The following DLGAP2 variants were observed in gnomAD, a reference collection of about 807,000 sequenced individuals.
The protein encoded by DLGAP2 is disks large-associated protein 2.
DLGAP2 carries 26 observed loss-of-function variants against 100.3 expected under a neutral mutation model. The observed-to-expected ratio is 0.26, with a 90% CI of 0.19 to 0.36. The LOEUF is 0.36. Ranked by LOEUF, DLGAP2 falls within the 10% of genes least tolerant of loss-of-function variation. The pLI, the probability that DLGAP2 is intolerant of heterozygous loss-of-function variation, is 1.00. For missense variants in DLGAP2, 1,858 were observed against 1,453.2 expected (o/e 1.28, Z -4.53); for synonymous variants, 886 against 630.1 (o/e 1.41, Z -6.08).
intron 6 of DLGAP2, among the ~76,000 whole-genome samples, chr8:1,584,391 A>T (rs534294406): frequency 6.6e-6 from 1 of 152,314 alleles, no homozygotes; most frequent in South Asian, 2.1e-4. Flanking sequence ...CTCCTCGTGC[A>T]TGCCACACAC....
intron 1 of DLGAP2, among the ~76,000 whole-genome samples, chr8:875,799 T>C (rs1271994106): frequency 1.3e-5 from 2 of 152,196 alleles, no homozygotes. Context: ...TTTTGAGTCA[T>C]TTATTTCGTG....
chr8:1,222,495 T>C (rs1425236873), intron 2 of DLGAP2, among the ~76,000 whole-genome samples: 1 of 152,076 alleles, frequency 6.6e-6, no homozygotes, highest in Non-Finnish European at 1.5e-5. Flanking sequence ...GTAACGACAC[T>C]CCAGTGGGGG....
intron 2 of DLGAP2, among the ~76,000 whole-genome samples, chr8:1,042,550 GCAC>G (rs899295661): frequency 6.6e-6 from 1 of 152,192 alleles, no homozygotes; most frequent in Non-Finnish European, 1.5e-5. Flanking sequence ...GCCCAGGAAA[GCAC>G]CGCCGGTATT....
chr8:1,633,130 G>T lies in DLGAP2; in HGVS notation c.1810+84G>T. On this transcript the variant is annotated intron_variant, in intron 8 of 14. Coordinates refer to ENST00000637795, the MANE Select transcript of DLGAP2 (RefSeq NM_001346810.2). Reference sequence around the variant, plus strand: ...TCCTAGAAGGAGCGAGCAGCACACAGCACCACAGTACAATGTACTCTCCTG... The same window carrying T: ...TCCTAGAAGGAGCGAGCAGCACACATCACCACAGTACAATGTACTCTCCTG... 2.3e-6 allele frequency: 3 copies of T among 1,332,854 alleles called. No homozygotes were observed. In the East Asian group the frequency reaches 7.0e-5, roughly 31 times the overall value. 82.6% of individuals were successfully genotyped at this position (1,332,854 alleles called of 1,614,324 possible). A position where few individuals can be genotyped will look rare whatever the true frequency, so the allele number is the denominator to read the frequency against.
intron 2 of DLGAP2, among the ~76,000 whole-genome samples, chr8:1,123,394 C>A (rs1303982244): frequency 6.6e-6 from 1 of 152,216 alleles, no homozygotes; most frequent in South Asian, 2.1e-4. Flanking sequence ...ACAGCCTCCA[C>A]CCGGTCAGAA....
At chr8:856,355 A>T (rs1797278161) in intron 1 of DLGAP2, among the ~76,000 whole-genome samples, 1 of 151,832 alleles carries the variant, frequency 6.6e-6, no homozygotes, top group African/African-American at 2.4e-5. Context: ...CGCCTGGCTA[A>T]TTTTGTATTT....
chr8:878,268 A>G (rs1328656801), intron 1 of DLGAP2, among the ~76,000 whole-genome samples: 1 of 152,184 alleles, frequency 6.6e-6, no homozygotes, highest in Non-Finnish European at 1.5e-5. Flanking sequence ...TTAGGAGAAT[A>G]CGGGATATAG....
intron 2 of DLGAP2, among the ~76,000 whole-genome samples, chr8:1,156,074 G>T (rs1585107865): frequency 6.6e-6 from 1 of 152,176 alleles, no homozygotes; most frequent in Non-Finnish European, 1.5e-5. Flanking sequence ...CCGCCATTAA[G>T]CAAGGAAAGC....
chr8:1,330,842 C>T (rs1242507576), intron 3 of DLGAP2, among the ~76,000 whole-genome samples: 1 of 144,272 alleles, frequency 6.9e-6, no homozygotes, highest in East Asian at 2.1e-4. Context: ...GGTGGGAGCA[C>T]AGCTTCACAG....
intron 1 of DLGAP2, among the ~76,000 whole-genome samples, chr8:789,160 C>T (rs1404805878): frequency 2.0e-5 from 3 of 152,116 alleles, no homozygotes; most frequent in Admixed American, 6.5e-5. Flanking sequence ...TTCCCGTTAC[C>T]ATGTTGTATT....
chr8:771,471 G>C (rs776681437), intron 1 of DLGAP2, among the ~76,000 whole-genome samples: 9 of 152,218 alleles, frequency 5.9e-5, no homozygotes, highest in Non-Finnish European at 1.2e-4. Context: ...GCCTGCACTA[G>C]CCGGGTCTAA....
At chr8:1,660,908 G>A (rs567177378) in intron 8 of DLGAP2, among the ~76,000 whole-genome samples, 33 of 152,240 alleles carry the variant, frequency 2.2e-4, no homozygotes, top group East Asian at 1.9e-3. Flanking sequence ...TGGTGTCACC[G>A]AAGAATACAC....
chr8:1,282,185 C>CT (rs1799830120), intron 3 of DLGAP2, among the ~76,000 whole-genome samples: 1 of 147,022 alleles, frequency 6.8e-6, no homozygotes, highest in African/African-American at 2.5e-5. Context: ...GAACCCAGCA[C>CT]GTGAACCATC....
intron 1 of DLGAP2, among the ~76,000 whole-genome samples, chr8:794,869 G>A: frequency 6.6e-6 from 1 of 152,154 alleles, no homozygotes; most frequent in East Asian, 1.9e-4. Flanking sequence ...GCCTGTGGGT[G>A]GCGGGTATTT....
At chr8:1,053,484 C>A (rs1269848001) in intron 2 of DLGAP2, among the ~76,000 whole-genome samples, 2 of 152,022 alleles carry the variant, frequency 1.3e-5, no homozygotes, top group African/African-American at 4.8e-5. Flanking sequence ...CCAGTCAGTT[C>A]GCAGTCTCCG....
rs192909750 is a variant in DLGAP2 at position 1,624,507 on chromosome 8, C to T, written c.1443-2233C>T. Reference sequence around the variant, plus strand: ...AGTGGTCTCTTACAGAATGAGTCCACGCATCCATCAACCTGAGCCTGAAAC... The same window carrying T: ...AGTGGTCTCTTACAGAATGAGTCCATGCATCCATCAACCTGAGCCTGAAAC... On this transcript the variant is annotated intron_variant, in intron 6 of 14. Transcript: ENST00000637795. 3.3e-3 allele frequency among the ~76,000 whole-genome samples: 505 copies of T among 151,914 alleles called. 5 individuals are homozygous for T. The highest frequency in any genetic ancestry group is 0.012 in the African/African-American group (487 of 41,438).
At chr8:1,589,811 G>A (rs1276289153) in intron 6 of DLGAP2, among the ~76,000 whole-genome samples, 1 of 152,214 alleles carries the variant, frequency 6.6e-6, no homozygotes, top group Non-Finnish European at 1.5e-5. Flanking sequence ...CCTTGATGGA[G>A]GGTGAGGAAT....
At chr8:1,270,934 G>C (rs1022495694) in intron 3 of DLGAP2, among the ~76,000 whole-genome samples, 6 of 152,104 alleles carry the variant, frequency 3.9e-5, no homozygotes, top group African/African-American at 1.2e-4. Flanking sequence ...CCGTTGACCT[G>C]CTACTTAGTA....
At chr8:1,430,012 A>G (rs1465846573) in intron 3 of DLGAP2, among the ~76,000 whole-genome samples, 1 of 69,468 alleles carries the variant, frequency 1.4e-5, no homozygotes, top group Non-Finnish European at 2.6e-5. Context: ...ATATACATAT[A>G]TATATATATA....
Sources: gnomAD v4.1 joint callset for allele counts (sites outside exome capture counted in the v4.1 genomes callset) on GRCh38, gnomAD v4.1.1 for gene constraint, MANE v1.5 for transcripts, NCBI Gene and HGNC (gene_info 2026-07-23, HGNC 2026-07-21) for gene names.